The following ANO4 variants were observed in gnomAD, a reference collection of about 807,000 sequenced individuals.
ANO4 encodes the protein anoctamin 4.
ANO4 carries 69 observed loss-of-function variants against 141.9 expected under a neutral mutation model. The ratio of observed to expected loss-of-function variants is 0.49; its 90% CI spans 0.40 to 0.59. ANO4 has a LOEUF of 0.59. Ranked by LOEUF, ANO4 falls within the 20% of genes least tolerant of loss-of-function variation. The probability of loss-of-function intolerance (pLI) is 0.00; values close to 1 mark genes in which losing one functional copy is unlikely to be tolerated. For missense variants in ANO4, 894 were observed against 1,162.2 expected, an observed-to-expected ratio of 0.77 and a Z score of 3.36; for synonymous variants, 350 against 394.3, an observed-to-expected ratio of 0.89 and a Z score of 1.33.
At chr12:101,089,802 G>A (rs74879330) in intron 17 of ANO4, among the ~76,000 whole-genome samples, 1 of 152,130 alleles carries the variant, frequency 6.6e-6, no homozygotes, top group African/African-American at 2.4e-5. Context: ...TCATCAGAGT[G>A]AACAGGCAAC....
chr12:100,917,622 C>T (rs1342265772), intron 2 of ANO4, among the ~76,000 whole-genome samples: 1 of 152,150 alleles, frequency 6.6e-6, no homozygotes, highest in Non-Finnish European at 1.5e-5. Context: ...GATCACTCTC[C>T]ATTTAGGAAA....
At chr12:100,928,717 T>G (rs965853606) in intron 3 of ANO4, among the ~76,000 whole-genome samples, 1 of 152,196 alleles carries the variant, frequency 6.6e-6, no homozygotes, top group African/African-American at 2.4e-5. Flanking sequence ...CTTCTCTAAA[T>G]GTCATTCCCA....
At chr12:100,823,136 C>A (rs1447708606) in intron 1 of ANO4, among the ~76,000 whole-genome samples, 1 of 152,006 alleles carries the variant, frequency 6.6e-6, no homozygotes, top group African/African-American at 2.4e-5. Flanking sequence ...ATCTTTGCCA[C>A]CTTCTCCCTG....
intron 1 of ANO4, among the ~76,000 whole-genome samples, chr12:100,894,606 C>T (rs918979417): frequency 5.9e-5 from 9 of 152,234 alleles, no homozygotes; most frequent in East Asian, 1.9e-4. Flanking sequence ...TGTATACCTA[C>T]GTGTTTGAGC....
At position 100,775,531 on chromosome 12, in the gene ANO4, T is replaced by C. The variant is rs149530850; in HGVS notation, c.358+35426T>C. 8.5e-5 allele frequency among the ~76,000 whole-genome samples: 13 copies of C among 152,324 alleles called. No individual in the cohort carries two copies. The East Asian group carries it at 2.1e-3, about 25-fold the overall frequency. Reference sequence around the variant, plus strand: ...TGGGCTGGATTCCTACATCTACGCTTTATAATTGTGTGACCTTGGGAATAT... The same window carrying C: ...TGGGCTGGATTCCTACATCTACGCTCTATAATTGTGTGACCTTGGGAATAT... On this transcript the variant is annotated intron_variant, in intron 3 of 29. Transcript: ENST00000644049.
At chr12:101,086,080 C>CTGTGTGTGTGTGTGTGTGTG (rs56891905) in intron 16 of ANO4, among the ~76,000 whole-genome samples, 2 of 131,736 alleles carry the variant, frequency 1.5e-5, no homozygotes, top group African/African-American at 2.8e-5. Context: ...GTTAACTAGG[C>CTGTGTGTGTGTGTGTGTGTG]TGTGTGTGTG....
chr12:100,901,686 A>T lies in ANO4; in HGVS notation c.-100A>T. On this transcript the variant is annotated 5_prime_UTR_variant, in exon 2 of 28. Transcript: ENST00000392977. ...TTCATGGGGCTGAAAAGCGTTTGCAAATCCATCAACGGCGAAGTGTGGCAA... is the reference window on the plus strand; with the variant it reads ...TTCATGGGGCTGAAAAGCGTTTGCATATCCATCAACGGCGAAGTGTGGCAA... The T allele has an allele frequency of 9.6e-7, 1 of 1,039,402 alleles. No homozygotes were observed. Among genetic ancestry groups the T allele is most frequent in the South Asian group, 1.3e-5 (1 of 79,392 alleles). The allele number at this position is 1,039,402 out of a possible 1,614,324, so 64.4% of individuals were successfully genotyped here. A position where few individuals can be genotyped will look rare whatever the true frequency, so the allele number is the denominator to read the frequency against.
intron 1 of ANO4, among the ~76,000 whole-genome samples, chr12:100,840,784 A>G (rs2037199229): frequency 6.6e-6 from 1 of 152,134 alleles, no homozygotes; most frequent in South Asian, 2.1e-4. Flanking sequence ...AAAGACATTT[A>G]CTAGAGTCAG....
chr12:100,744,062 C>T (rs1461004278), intron 3 of ANO4, among the ~76,000 whole-genome samples: 1 of 152,170 alleles, frequency 6.6e-6, no homozygotes, highest in Non-Finnish European at 1.5e-5. Flanking sequence ...TCCCCAGCTG[C>T]ATACTGATGC....
intron 2 of ANO4, among the ~76,000 whole-genome samples, chr12:100,734,687 A>T (rs902899173): frequency 5.7e-4 from 66 of 115,958 alleles, no homozygotes; most frequent in Non-Finnish European, 9.5e-5. Flanking sequence ...GGTCTGTTTG[A>T]CACTAAATCC....
chr12:100,952,964 A>G (rs1303061406), intron 5 of ANO4, among the ~76,000 whole-genome samples: 2 of 152,188 alleles, frequency 1.3e-5, no homozygotes, highest in Non-Finnish European at 2.9e-5. Flanking sequence ...AAGACAGACC[A>G]ACTTTAAGGG....
intron 3 of ANO4, among the ~76,000 whole-genome samples, chr12:100,778,380 A>G (rs1730120073): frequency 6.6e-6 from 1 of 152,186 alleles, no homozygotes; most frequent in Admixed American, 6.5e-5. Context: ...AGTAAGGTAG[A>G]CAAGTATAAT....
intron 2 of ANO4, among the ~76,000 whole-genome samples, chr12:100,915,359 C>T (rs1318528976): frequency 6.6e-6 from 1 of 152,146 alleles, no homozygotes; most frequent in Non-Finnish European, 1.5e-5. Flanking sequence ...GTATACCTCT[C>T]AGGACAGGAA....
At chr12:101,079,339 C>A (rs923556673) in intron 15 of ANO4, 64 bp downstream of exon 15, 6 of 1,350,656 alleles carry the variant, frequency 4.4e-6, no homozygotes, top group Admixed American at 1.8e-5. Flanking sequence ...CGACCCCCCC[C>A]CAAAATTGTC....
intron 1 of ANO4, among the ~76,000 whole-genome samples, chr12:100,824,977 A>G (rs933611338): frequency 1.3e-5 from 2 of 152,074 alleles, no homozygotes; most frequent in African/African-American, 4.8e-5. Flanking sequence ...CAAATTGTGC[A>G]TAGATTTCTG....
chr12:100,789,886 G>T (rs1047694924), upstream of ANO4, among the ~76,000 whole-genome samples: 1 of 152,158 alleles, frequency 6.6e-6, no homozygotes, highest in African/African-American at 2.4e-5. Context: ...CACTTAAATA[G>T]GTTAAAAGGT....
intron 8 of ANO4, among the ~76,000 whole-genome samples, chr12:100,989,943 G>T (rs1857072873): frequency 6.7e-6 from 1 of 148,678 alleles, no homozygotes; most frequent in Non-Finnish European, 1.5e-5. Flanking sequence ...GTCACTGAAT[G>T]AATGGATGGG....
chr12:100,836,885 T>A (rs974706026), intron 1 of ANO4, among the ~76,000 whole-genome samples: 1 of 152,108 alleles, frequency 6.6e-6, no homozygotes, highest in Non-Finnish European at 1.5e-5. Context: ...GGATGAACCA[T>A]CCAGGTGAAG....
intron 3 of ANO4, among the ~76,000 whole-genome samples, chr12:100,753,891 G>C (rs1456422763): frequency 6.6e-6 from 1 of 152,160 alleles, no homozygotes; most frequent in Non-Finnish European, 1.5e-5. Context: ...ACAAGCACCT[G>C]TCCAAGCCAC....
Sources: allele counts gnomAD v4.1 joint callset (sites outside exome capture counted in the v4.1 genomes callset), GRCh38; gene constraint gnomAD v4.1.1; transcripts MANE v1.5; gene names NCBI Gene and HGNC (gene_info 2026-07-23, HGNC 2026-07-21).